PDE3A: variants seen among roughly 807,000 people sequenced by gnomAD.
PDE3A encodes cGMP-inhibited 3',5'-cyclic phosphodiesterase 3A.
Under a neutral mutation model 98.3 loss-of-function variants are expected in PDE3A, and 43 were observed. The observed-to-expected ratio is 0.44, with a 90% CI of 0.34 to 0.56. The LOEUF is 0.56. Ranked by LOEUF, PDE3A falls within the 20% of genes least tolerant of loss-of-function variation. The pLI is 0.01. For missense variants in PDE3A, 1,427 were observed against 1,440.7 expected (o/e 0.99, Z 0.15); for synonymous variants, 663 against 567.9 (o/e 1.17, Z -2.38).
intron 1 of PDE3A, among the ~76,000 whole-genome samples, chr12:20,447,060 A>G (rs1416210235): frequency 1.3e-5 from 2 of 152,180 alleles, no homozygotes; most frequent in Non-Finnish European, 2.9e-5. Context: ...TTATTCTGAT[A>G]AAGACATTGC....
intron 15 of PDE3A, among the ~76,000 whole-genome samples, chr12:20,667,915 T>C (rs1473618409): frequency 1.3e-5 from 2 of 152,188 alleles, no homozygotes; most frequent in African/African-American, 2.4e-5. Flanking sequence ...GATGGTGATT[T>C]CTGCATTTCC....
rs114310950 is a variant in PDE3A at position 20,464,509 on chromosome 12, T to C, written c.961-92151T>C. 4.6e-3 allele frequency among the ~76,000 whole-genome samples: 708 copies of C among 152,302 alleles called. 10 individuals carry two copies. The highest frequency in any genetic ancestry group is 0.016 in the African/African-American group (661 of 41,564). On this transcript the variant is annotated intron_variant, in intron 1 of 15. Coordinates refer to ENST00000359062, the MANE Select transcript of PDE3A (RefSeq NM_000921.5). ...CATAATTATCTTTTCTGTACTTCAG[T>C]ATGATGACTGTCCTTCTGTAGGCCC... is the stretch of plus-strand genomic sequence containing the variant.
chr12:20,617,501 C>A (rs186755431), intron 4 of PDE3A, among the ~76,000 whole-genome samples: 3 of 151,986 alleles, frequency 2.0e-5, no homozygotes, highest in Non-Finnish European at 2.9e-5. Context: ...AATTTCCTGA[C>A]GGTTGAAATT....
chr12:20,415,179 C>T (rs753643967), intron 1 of PDE3A, among the ~76,000 whole-genome samples: 6 of 151,618 alleles, frequency 4.0e-5, no homozygotes, highest in Non-Finnish European at 8.8e-5. Flanking sequence ...TAACCCTTAC[C>T]CCAACCCACA....
chr12:20,483,525 A>G (rs1945670137), intron 1 of PDE3A, among the ~76,000 whole-genome samples: 1 of 152,240 alleles, frequency 6.6e-6, no homozygotes, highest in Non-Finnish European at 1.5e-5. Flanking sequence ...CCCAGTATCA[A>G]GTATGTGTTA....
chr12:20,635,591 AG>A (rs71450710), intron 8 of PDE3A, among the ~76,000 whole-genome samples: 54 of 147,752 alleles, frequency 3.7e-4, no homozygotes, highest in South Asian at 6.5e-4. Context: ...AAAAAAAAAA[AG>A]AAAGAAAGAA....
chr12:20,573,505 A>C (rs1169720093), intron 2 of PDE3A, among the ~76,000 whole-genome samples: 1 of 151,746 alleles, frequency 6.6e-6, no homozygotes, highest in African/African-American at 2.4e-5. Flanking sequence ...AGAAAGAGGT[A>C]AGACTGTGTT....
chr12:20,648,160 T>A (rs1246230580), intron 12 of PDE3A, among the ~76,000 whole-genome samples: 1 of 151,392 alleles, frequency 6.6e-6, no homozygotes. Flanking sequence ...GTCATGGACA[T>A]TTTGGGTATT....
chr12:20,615,545 C>T (rs1269652159), intron 3 of PDE3A, among the ~76,000 whole-genome samples: 1 of 151,972 alleles, frequency 6.6e-6, no homozygotes, highest in Non-Finnish European at 1.5e-5. Context: ...TTAATTCATG[C>T]CCCCAAACAA....
intron 2 of PDE3A, among the ~76,000 whole-genome samples, chr12:20,607,021 C>G (rs1320066166): frequency 1.3e-5 from 2 of 151,926 alleles, no homozygotes; most frequent in Admixed American, 6.6e-5. Context: ...TAGAACCACT[C>G]TAGATTGTAA....
At chr12:20,616,835 A>G (rs1344968561) in intron 4 of PDE3A, among the ~76,000 whole-genome samples, 3 of 152,206 alleles carry the variant, frequency 2.0e-5, no homozygotes, top group Non-Finnish European at 4.4e-5. Context: ...AAAGTAGATC[A>G]TCCTAAGAAC....
chr12:20,502,300 G>A (rs1946038777), intron 1 of PDE3A, among the ~76,000 whole-genome samples: 1 of 152,080 alleles, frequency 6.6e-6, no homozygotes, highest in African/African-American at 2.4e-5. Context: ...CTTAAGGTAT[G>A]AGTCTCACAA....
chr12:20,427,241 C>A (rs942055508), intron 1 of PDE3A, among the ~76,000 whole-genome samples: 26 of 152,076 alleles, frequency 1.7e-4, no homozygotes, highest in Admixed American at 1.2e-3. Context: ...GGTGTTTGTC[C>A]GTGAACTCTC....
chr12:20,661,270 G>A (rs1396680088), intron 15 of PDE3A, among the ~76,000 whole-genome samples: 2 of 152,116 alleles, frequency 1.3e-5, no homozygotes, highest in East Asian at 1.9e-4. Context: ...GGCAACTTGG[G>A]TGCTCTTAAA....
At chr12:20,388,997 A>C (rs1276907238) in intron 1 of PDE3A, among the ~76,000 whole-genome samples, 3 of 152,076 alleles carry the variant, frequency 2.0e-5, no homozygotes, top group African/African-American at 7.2e-5. Context: ...TTCTATAACT[A>C]CTGAGAAAAA....
chr12:20,459,246 C>A (rs1945205775), intron 1 of PDE3A, among the ~76,000 whole-genome samples: 1 of 151,942 alleles, frequency 6.6e-6, no homozygotes, highest in Non-Finnish European at 1.5e-5. Flanking sequence ...TTTTTAATAT[C>A]CATAATTTCA....
At chr12:20,527,206 T>C (rs1946541088) in intron 1 of PDE3A, among the ~76,000 whole-genome samples, 2 of 152,042 alleles carry the variant, frequency 1.3e-5, no homozygotes, top group Admixed American at 1.3e-4. Flanking sequence ...CCGGCCGTGT[T>C]TTTTTGTTTT....
intron 15 of PDE3A, among the ~76,000 whole-genome samples, chr12:20,664,913 G>T (rs947444042): frequency 6.6e-6 from 1 of 152,000 alleles, no homozygotes; most frequent in African/African-American, 2.4e-5. Context: ...ATACTCAACT[G>T]CTCAGGCCAG....
chr12:20,445,072 A>G (rs989677842), intron 1 of PDE3A, among the ~76,000 whole-genome samples: 8 of 152,200 alleles, frequency 5.3e-5, no homozygotes, highest in African/African-American at 1.9e-4. Context: ...ACTCCAAAGC[A>G]AGTGAAACTG....
Sources: gnomAD v4.1 joint callset for allele counts (sites outside exome capture counted in the v4.1 genomes callset) on GRCh38, gnomAD v4.1.1 for gene constraint, MANE v1.5 for transcripts, NCBI Gene and HGNC (gene_info 2026-07-23, HGNC 2026-07-21) for gene names.